The following CADPS variants were observed in gnomAD, a reference collection of about 807,000 sequenced individuals.
The protein encoded by CADPS is calcium-dependent secretion activator 1.
CADPS carries 57 observed loss-of-function variants against 167.3 expected under a neutral mutation model. That is an observed-to-expected ratio of 0.34 (90% confidence interval 0.28 to 0.42). The LOEUF (loss-of-function observed/expected upper bound fraction) is 0.42. CADPS is among the 20% of genes least tolerant of loss of function. The probability of loss-of-function intolerance (pLI) is 1.00; values close to 1 mark genes in which losing one functional copy is unlikely to be tolerated. For synonymous variants in CADPS, 676 were observed against 635.3 expected (o/e 1.06, Z -0.96); for missense variants, 1,414 against 1,738.1 (o/e 0.81, Z 3.32).
intron 22 of CADPS, among the ~76,000 whole-genome samples, chr3:62,479,222 T>C (rs1309568924): frequency 6.6e-6 from 1 of 152,222 alleles, no homozygotes. Context: ...TTCTATACGA[T>C]GACGTCTAAG....
chr3:62,759,099 A>G (rs1160156850), intron 2 of CADPS, among the ~76,000 whole-genome samples: 2 of 152,212 alleles, frequency 1.3e-5, no homozygotes, highest in Non-Finnish European at 2.9e-5. Flanking sequence ...GGTAGACATC[A>G]TGGTTAGGAG....
chr3:62,429,229 G>A (rs1445437488), intron 28 of CADPS, among the ~76,000 whole-genome samples: 1 of 152,156 alleles, frequency 6.6e-6, no homozygotes, highest in Non-Finnish European at 1.5e-5. Flanking sequence ...TGCCCACTAT[G>A]TGCCAAACTT....
chr3:62,836,656 G>A (rs997840485), intron 1 of CADPS, among the ~76,000 whole-genome samples: 1 of 152,166 alleles, frequency 6.6e-6, no homozygotes, highest in Non-Finnish European at 1.5e-5. Flanking sequence ...GTCTTTGGAA[G>A]CTAAGCTGGA....
At chr3:62,833,117 T>C (rs1484638453) in intron 1 of CADPS, among the ~76,000 whole-genome samples, 2 of 152,160 alleles carry the variant, frequency 1.3e-5, no homozygotes, top group Non-Finnish European at 2.9e-5. Context: ...TCCACTTTTC[T>C]AGACTGGGAG....
At chr3:62,840,595 G>GA (rs2076514661) in intron 1 of CADPS, among the ~76,000 whole-genome samples, 1 of 152,126 alleles carries the variant, frequency 6.6e-6, no homozygotes, top group Admixed American at 6.5e-5. Context: ...AAAAGTGTGT[G>GA]TGTTTGGGCT....
intron 1 of CADPS, among the ~76,000 whole-genome samples, chr3:62,849,180 A>C (rs2078055798): frequency 6.6e-6 from 1 of 150,610 alleles, no homozygotes; most frequent in Admixed American, 6.6e-5. Context: ...TTTTGGGCTG[A>C]GACAATGGGG....
chr3:62,621,315 G>C (rs984975260), intron 6 of CADPS, among the ~76,000 whole-genome samples: 2 of 151,964 alleles, frequency 1.3e-5, no homozygotes, highest in Admixed American at 1.3e-4. Flanking sequence ...GGAGGAAGTT[G>C]AGTTGCGTGT....
chr3:62,721,863 C>T (rs577094045), intron 3 of CADPS, among the ~76,000 whole-genome samples: 74 of 152,226 alleles, frequency 4.9e-4, no homozygotes, highest in African/African-American at 1.7e-3. Context: ...TTTAAGTAAT[C>T]GCCCAAGTCA....
intron 11 of CADPS, among the ~76,000 whole-genome samples, chr3:62,539,645 C>T (rs183744692): frequency 7.9e-5 from 12 of 152,162 alleles, no homozygotes; most frequent in Admixed American, 4.6e-4. Context: ...GCTACATTCC[C>T]AGCCCTAGAA....
chr3:62,570,349 C>G (rs2081064275), intron 9 of CADPS, among the ~76,000 whole-genome samples: 2 of 151,978 alleles, frequency 1.3e-5, no homozygotes, highest in African/African-American at 4.8e-5. Flanking sequence ...GAGTAGAGCA[C>G]TCCCACACAG....
chr3:62,595,966 A>G (rs1275239486), intron 6 of CADPS, among the ~76,000 whole-genome samples: 1 of 152,012 alleles, frequency 6.6e-6, no homozygotes, highest in East Asian at 1.9e-4. Context: ...TTGGACTCCA[A>G]GTTCTTTAGT....
intron 7 of CADPS, 101 bp downstream of exon 7, chr3:62,592,536 T>C: frequency 3.5e-6 from 3 of 851,994 alleles, no homozygotes; most frequent in Non-Finnish European, 5.9e-6. Context: ...AAACTGAGCC[T>C]CTCAGCACTT....
intron 1 of CADPS, among the ~76,000 whole-genome samples, chr3:62,767,158 A>G (rs2087107940): frequency 6.6e-6 from 1 of 152,178 alleles, no homozygotes; most frequent in South Asian, 2.1e-4. Context: ...TTTTGTGAAA[A>G]GTTAAACTTT....
intron 3 of CADPS, among the ~76,000 whole-genome samples, chr3:62,687,459 GA>G (rs943601354): frequency 1.7e-4 from 26 of 152,110 alleles, no homozygotes; most frequent in African/African-American, 5.3e-4. Context: ...TAAGACCTAA[GA>G]AAAAGCACTT....
chr3:62,837,066 C>T (rs1366902880), intron 1 of CADPS, among the ~76,000 whole-genome samples: 1 of 152,092 alleles, frequency 6.6e-6, no homozygotes, highest in East Asian at 1.9e-4. Context: ...ATTAAAGCTC[C>T]TCTTGCAGGT....
At chr3:62,516,743 A>C in intron 14 of CADPS, 100 bp from the exon 15 acceptor site, 1 of 814,162 alleles carries the variant, frequency 1.2e-6, no homozygotes, top group Non-Finnish European at 2.0e-6. Flanking sequence ...GAGGAATGGA[A>C]AATGCTTTTT....
At chr3:62,755,122 C>T (rs956481777) in intron 2 of CADPS, among the ~76,000 whole-genome samples, 9 of 152,144 alleles carry the variant, frequency 5.9e-5, no homozygotes, top group African/African-American at 2.2e-4. Flanking sequence ...GGGGAAGGGA[C>T]TTCCTTTTGG....
chr3:62,783,202 G>A (rs953085883), intron 1 of CADPS, among the ~76,000 whole-genome samples: 18 of 152,164 alleles, frequency 1.2e-4, no homozygotes, highest in African/African-American at 3.4e-4. Flanking sequence ...GGCAAGCAAT[G>A]TCAGTGATGT....
chr3:62,776,647 C>A (rs1293262299), intron 1 of CADPS, among the ~76,000 whole-genome samples: 1 of 152,124 alleles, frequency 6.6e-6, no homozygotes, highest in Non-Finnish European at 1.5e-5. Flanking sequence ...GAGAGAGACT[C>A]CATCTCAAAA....
Sources: gnomAD v4.1 joint callset for allele counts (sites outside exome capture counted in the v4.1 genomes callset) on GRCh38, gnomAD v4.1.1 for gene constraint, MANE v1.5 for transcripts, NCBI Gene and HGNC (gene_info 2026-07-23, HGNC 2026-07-21) for gene names.